Variants in PDZRN3 observed in about 807,000 individuals in gnomAD.
PDZRN3 encodes PDZ domain containing ring finger 3.
Under a neutral mutation model 85.7 loss-of-function variants are expected in PDZRN3, and 38 were observed. The ratio of observed to expected loss-of-function variants is 0.44; its 90% confidence interval spans 0.34 to 0.58. PDZRN3 has a LOEUF of 0.58. Ranked by LOEUF, PDZRN3 falls within the 20% of genes least tolerant of loss-of-function variation. The probability of loss-of-function intolerance (pLI) is 0.01; values close to 1 mark genes in which losing one functional copy is unlikely to be tolerated. For missense variants in PDZRN3, 1,629 were observed against 1,506.4 expected, an observed-to-expected ratio of 1.08 and a Z score of -1.35; for synonymous variants, 759 against 638.0, an observed-to-expected ratio of 1.19 and a Z score of -2.86.
At chr3:73,438,173 G>A (rs1348884121) in intron 3 of PDZRN3, among the ~76,000 whole-genome samples, 3 of 152,138 alleles carry the variant, frequency 2.0e-5, no homozygotes, top group East Asian at 1.9e-4. Context: ...AAAGTGCAAA[G>A]AGGGGTCACC....
intron 3 of PDZRN3, among the ~76,000 whole-genome samples, chr3:73,465,603 G>A (rs146686204): frequency 2.0e-5 from 3 of 152,284 alleles, no homozygotes; most frequent in African/African-American, 4.8e-5. Context: ...ATGAGAAAAC[G>A]GCTACCAGGA....
chr3:73,556,540 G>C (rs1701699920), intron 3 of PDZRN3, among the ~76,000 whole-genome samples: 2 of 152,066 alleles, frequency 1.3e-5, no homozygotes, highest in South Asian at 4.2e-4. Flanking sequence ...TGGACTTTAG[G>C]ATGCCAGGTA....
intron 3 of PDZRN3, among the ~76,000 whole-genome samples, chr3:73,453,418 A>AC (rs1295250013): frequency 2.2e-5 from 3 of 136,676 alleles, no homozygotes; most frequent in Non-Finnish European, 4.8e-5. Flanking sequence ...AAAAAAAAAA[A>AC]AAAAACAAAA....
intron 3 of PDZRN3, among the ~76,000 whole-genome samples, chr3:73,536,060 T>C (rs1291069545): frequency 1.3e-5 from 2 of 152,134 alleles, no homozygotes; most frequent in East Asian, 1.9e-4. Flanking sequence ...ACAACAACAA[T>C]ACCAAGGAAT....
At chr3:73,523,015 TTTG>T (rs1437107388) in intron 3 of PDZRN3, among the ~76,000 whole-genome samples, 16 of 146,556 alleles carry the variant, frequency 1.1e-4, no homozygotes, top group African/African-American at 4.0e-4. Flanking sequence ...GTTTTTTTTG[TTTG>T]TTTGTTTGTT....
intron 3 of PDZRN3, among the ~76,000 whole-genome samples, chr3:73,436,619 C>T (rs1185099927): frequency 7.1e-6 from 1 of 140,560 alleles, no homozygotes; most frequent in African/African-American, 3.2e-5. Context: ...AAATTTTACA[C>T]ATCCTTTTTA....
intron 3 of PDZRN3, among the ~76,000 whole-genome samples, chr3:73,601,383 C>A (rs538775350): frequency 1.4e-4 from 22 of 152,274 alleles, no homozygotes; most frequent in African/African-American, 4.1e-4. Flanking sequence ...ATGTGGAAAA[C>A]AAACACCCAC....
chr3:73,566,779 C>T (rs1353672580), intron 3 of PDZRN3, among the ~76,000 whole-genome samples: 1 of 152,204 alleles, frequency 6.6e-6, no homozygotes, highest in Non-Finnish European at 1.5e-5. Flanking sequence ...GCTCTCTTCA[C>T]ACCTATAAAG....
chr3:73,529,030 A>T (rs1704592718), intron 3 of PDZRN3, among the ~76,000 whole-genome samples: 1 of 152,168 alleles, frequency 6.6e-6, no homozygotes, highest in African/African-American at 2.4e-5. Context: ...GACAAGGTTA[A>T]AGTATACTTA....
At chr3:73,553,733 G>A (rs1701622048) in intron 3 of PDZRN3, among the ~76,000 whole-genome samples, 1 of 152,186 alleles carries the variant, frequency 6.6e-6, no homozygotes, top group South Asian at 2.1e-4. Flanking sequence ...GAACACGCAG[G>A]AAGAAATGTC....
chr3:73,388,577 T>G (rs972732837), intron 7 of PDZRN3, among the ~76,000 whole-genome samples: 5 of 152,120 alleles, frequency 3.3e-5, no homozygotes, highest in African/African-American at 1.2e-4. Flanking sequence ...ACTCTCACTA[T>G]CACACTTGAT....
At chr3:73,386,670 C>G (rs1299343631) in intron 8 of PDZRN3, among the ~76,000 whole-genome samples, 1 of 152,224 alleles carries the variant, frequency 6.6e-6, no homozygotes, top group African/African-American at 2.4e-5. Flanking sequence ...TCTATGGCTG[C>G]TTTTGCACTA....
intron 3 of PDZRN3, among the ~76,000 whole-genome samples, chr3:73,540,953 T>G (rs536731602): frequency 6.6e-6 from 1 of 152,204 alleles, no homozygotes; most frequent in African/African-American, 2.4e-5. Context: ...GTTTACCCAA[T>G]TCTTAAACTA....
intron 3 of PDZRN3, among the ~76,000 whole-genome samples, chr3:73,447,490 C>G (rs1179849457): frequency 6.6e-6 from 1 of 152,178 alleles, no homozygotes; most frequent in African/African-American, 2.4e-5. Context: ...AACTTCTCTT[C>G]TTTCTCACCT....
At chr3:73,581,764 A>T (rs1038794531) in intron 3 of PDZRN3, among the ~76,000 whole-genome samples, 15 of 152,064 alleles carry the variant, frequency 9.9e-5, no homozygotes, top group African/African-American at 3.6e-4. Flanking sequence ...CATGTTGGAA[A>T]ATGAGCACAG....
chr3:73,392,510 C>T (rs78463303), intron 5 of PDZRN3, among the ~76,000 whole-genome samples: 2,357 of 152,262 alleles, frequency 0.015, 65 homozygotes, highest in African/African-American at 0.053. Context: ...ATCTAAGGTC[C>T]GTGTCCTCAC....
At chr3:73,608,744 T>A in intron 1 of PDZRN3, 60 bp from the exon 2 acceptor site, 2 of 1,018,080 alleles carry the variant, frequency 2.0e-6, no homozygotes, top group Non-Finnish European at 3.0e-6. Context: ...TGGTAGGAAT[T>A]TTCCTTCTAT....
At position 73,624,568 on chromosome 3, in the gene PDZRN3, C is replaced by T; in HGVS notation, c.258G>A (p.Thr86=). ...LKLDIKCAYA[T]RGCGRVVKLQ... ...GCTTGACCACCCGGCCGCAGCCGCG[C>T]GTCGCGTACGCGCACTTGATGTCCA... The change falls in exon 1 of 10, where the codon ACG becomes ACA. Residue 86 remains threonine, a synonymous_variant. Coordinates refer to ENST00000263666, the MANE Select transcript of PDZRN3 (RefSeq NM_015009.3). The T allele has an allele frequency of 6.5e-7, 1 of 1,536,372 alleles. No homozygotes were observed. The highest frequency in any genetic ancestry group is 1.2e-5 in the South Asian group (1 of 82,344).
At chr3:73,458,062 G>A (rs962939437) in intron 3 of PDZRN3, among the ~76,000 whole-genome samples, 9 of 152,188 alleles carry the variant, frequency 5.9e-5, no homozygotes, top group African/African-American at 1.7e-4. Flanking sequence ...CTCAGAGACC[G>A]AGGTTCTGTT....
Sources: allele counts gnomAD v4.1 joint callset (sites outside exome capture counted in the v4.1 genomes callset), GRCh38; gene constraint gnomAD v4.1.1; transcripts MANE v1.5; gene names NCBI Gene and HGNC (gene_info 2026-07-23, HGNC 2026-07-21).